The following UHRF2 variants were observed in gnomAD, a reference collection of about 807,000 sequenced individuals.
UHRF2 encodes the protein ubiquitin like with PHD and ring finger domains 2, also known as E3 ubiquitin-protein ligase UHRF2.
In UHRF2, 23 loss-of-function variants were observed where a neutral mutation model predicts 96.8. The observed-to-expected ratio is 0.24, with a 90% CI of 0.17 to 0.34. The LOEUF (loss-of-function observed/expected upper bound fraction) is 0.34, where lower values mean the gene tolerates loss of function less well. Among genes scored for constraint, UHRF2 ranks in the 10% least tolerant of loss-of-function variants. The probability of loss-of-function intolerance (pLI) is 1.00; values close to 1 mark genes in which losing one functional copy is unlikely to be tolerated. For missense variants in UHRF2, 685 were observed against 981.5 expected (o/e 0.70, Z 4.04); for synonymous variants, 385 against 332.6 (o/e 1.16, Z -1.72).
At chr9:6,436,630 C>A (rs1820862712) in intron 3 of UHRF2, among the ~76,000 whole-genome samples, 1 of 152,116 alleles carries the variant, frequency 6.6e-6, no homozygotes, top group African/African-American at 2.4e-5. Context: ...AAATAGTGAA[C>A]TAAGGCTTAT....
chr9:6,484,756 A>G (rs1824161240), intron 8 of UHRF2: 1 of 130,440 alleles, frequency 7.7e-6, no homozygotes, highest in South Asian at 2.5e-4. Flanking sequence ...ACTGTTTTTA[A>G]TTTATCTTTT....
At position 6,500,594 on chromosome 9, in the gene UHRF2, C is replaced by T. The variant is rs201601674; in HGVS notation, c.2048C>T (p.Ser683Leu). The T allele has an allele frequency of 3.0e-5, 49 of 1,613,346 alleles. No homozygotes were observed. Among genetic ancestry groups the T allele is most frequent in the Non-Finnish European group, 4.0e-5 (47 of 1,179,956 alleles). The part of the protein sequence containing the change: ...SASKVYKASD[S>L]AEAIEAFQLT... Reference sequence around the variant, plus strand: ...TCCAAAGTGTACAAAGCATCAGATTCAGCAGAAGCAATTGAGGCTTTTCAA... The same window carrying T: ...TCCAAAGTGTACAAAGCATCAGATTTAGCAGAAGCAATTGAGGCTTTTCAA... The change falls in exon 14 of 16, where the codon TCA becomes TTA. Residue 683 changes from serine to leucine, a missense_variant. This residue lies in a region of UHRF2 where 99 missense variants were observed against 73.5 expected (regional missense o/e 1.35). Transcript: ENST00000276893.
intron 3 of UHRF2, among the ~76,000 whole-genome samples, chr9:6,446,639 G>A (rs1474728653): frequency 6.6e-6 from 1 of 151,342 alleles, no homozygotes; most frequent in Non-Finnish European, 1.5e-5. Context: ...ACTTGGGGAC[G>A]ACAGGCGTTT....
intron 10 of UHRF2, chr9:6,495,889 A>C (rs1389324103): frequency 1.3e-5 from 2 of 152,164 alleles, no homozygotes; most frequent in African/African-American, 4.8e-5. Flanking sequence ...TTAAGATAAA[A>C]TAGGTGTAAT....
At chr9:6,420,202 C>T (rs1013991586) in intron 1 of UHRF2, among the ~76,000 whole-genome samples, 3 of 151,770 alleles carry the variant, frequency 2.0e-5, no homozygotes, top group African/African-American at 4.8e-5. Flanking sequence ...ATTACAGGTG[C>T]GTACCACCAC....
At chr9:6,452,365 A>G (rs748333015) in intron 3 of UHRF2, among the ~76,000 whole-genome samples, 6 of 152,232 alleles carry the variant, frequency 3.9e-5, no homozygotes, top group Non-Finnish European at 8.8e-5. Flanking sequence ...TAATTAACAG[A>G]TGCCCCTCTA....
At position 6,482,104 on chromosome 9, in the gene UHRF2, GT is replaced by G; in HGVS notation, c.1392+9del. On this transcript the variant is annotated splice_donor_region_variant and intron_variant, in intron 8 of 15. Transcript: ENST00000276893. ...ACTTGGAGATTTAGAGTTCAGGTAT[GT>G]TTTAACTTGGGCTTAGTTGAAAGGG... The G allele has an allele frequency of 6.2e-7, 1 of 1,612,212 alleles. No homozygotes were observed. Among genetic ancestry groups the G allele is most frequent in the South Asian group, 1.1e-5 (1 of 90,924 alleles).
chr9:6,482,806 C>A (rs1402780309), intron 8 of UHRF2, among the ~76,000 whole-genome samples: 2 of 152,108 alleles, frequency 1.3e-5, no homozygotes, highest in Non-Finnish European at 1.5e-5. Context: ...CCGTGTTAGC[C>A]AGGATGGTCT....
intron 14 of UHRF2, among the ~76,000 whole-genome samples, chr9:6,502,403 C>T (rs1370273718): frequency 2.6e-5 from 4 of 152,110 alleles, no homozygotes; most frequent in African/African-American, 9.7e-5. Context: ...AAATAGATTC[C>T]TCAGAGAGAT....
intron 3 of UHRF2, among the ~76,000 whole-genome samples, chr9:6,457,805 G>T (rs1392395928): frequency 6.6e-6 from 1 of 152,166 alleles, no homozygotes; most frequent in African/African-American, 2.4e-5. Context: ...GATGGATTAT[G>T]TTTATTGATT....
At chr9:6,492,832 C>CTTTTTTTTTTTTTTTT (rs34371545) in intron 9 of UHRF2, 3 of 89,534 alleles carry the variant, frequency 3.4e-5, no homozygotes, top group Non-Finnish European at 6.5e-5. Context: ...GAGCTTTTGG[C>CTTTTTTTTTTTTTTTT]TTTTTTTTTT....
chr9:6,463,373 C>G (rs754790284), intron 4 of UHRF2, among the ~76,000 whole-genome samples: 14 of 151,690 alleles, frequency 9.2e-5, no homozygotes, highest in Non-Finnish European at 1.3e-4. Context: ...CCCAACAGTA[C>G]AATAAAATGT....
chr9:6,440,407 A>G (rs1055626011), intron 3 of UHRF2, among the ~76,000 whole-genome samples: 1 of 152,212 alleles, frequency 6.6e-6, no homozygotes, highest in Non-Finnish European at 1.5e-5. Context: ...GGTCACATCT[A>G]TTAAACTGTC....
chr9:6,454,151 G>A (rs1189563989), intron 3 of UHRF2, among the ~76,000 whole-genome samples: 1 of 152,168 alleles, frequency 6.6e-6, no homozygotes, highest in African/African-American at 2.4e-5. Context: ...TAGTCCAAAA[G>A]ATTTGGTAAC....
rs180825381 is a variant in UHRF2, at chr9:6,483,437, A to G, written c.1392+1338A>G. Reference sequence around the variant, plus strand: ...ACCTCTAGATTACCTATAATACCTAATAAAGTGTAAATGCTATGTAAATAG... The same window carrying G: ...ACCTCTAGATTACCTATAATACCTAGTAAAGTGTAAATGCTATGTAAATAG... On this transcript the variant is annotated intron_variant, in intron 8 of 15. Transcript: ENST00000276893. Among the ~76,000 whole-genome samples the G allele has an allele frequency of 1.2e-4, 19 of 152,230 alleles. No individual in the cohort carries two copies. In the East Asian group the frequency reaches 2.9e-3, roughly 23 times the overall value.
chr9:6,482,121 G>A (rs757436284), intron 8 of UHRF2, 22 bp downstream of exon 8: 1 of 1,588,006 alleles, frequency 6.3e-7, no homozygotes, highest in African/African-American at 1.3e-5. Flanking sequence ...CTTGGGCTTA[G>A]TTGAAAGGGG....
At chr9:6,503,503 C>T (rs1335537951) in intron 14 of UHRF2, among the ~76,000 whole-genome samples, 1 of 151,766 alleles carries the variant, frequency 6.6e-6, no homozygotes, top group Non-Finnish European at 1.5e-5. Context: ...GGTGGCTCTA[C>T]TTTTTATAAT....
At chr9:6,422,403 C>G (rs1373016466) in intron 2 of UHRF2, among the ~76,000 whole-genome samples, 1 of 151,892 alleles carries the variant, frequency 6.6e-6, no homozygotes, top group Non-Finnish European at 1.5e-5. Flanking sequence ...TCCCTTTCTC[C>G]TATCTCCCCA....
intron 8 of UHRF2, among the ~76,000 whole-genome samples, chr9:6,482,872 A>G (rs1193045913): frequency 2.0e-5 from 3 of 152,190 alleles, no homozygotes; most frequent in African/African-American, 7.2e-5. Context: ...GGCATGAGCC[A>G]CTGCGCCCGG....
Sources: gnomAD v4.1 joint callset for allele counts (sites outside exome capture counted in the v4.1 genomes callset) on GRCh38, gnomAD v4.1.1 for gene constraint, gnomAD v4.1.1 regional missense constraint, MANE v1.5 for transcripts, NCBI Gene and HGNC (gene_info 2026-07-23, HGNC 2026-07-21) for gene names.